ZFHX3: variants seen among roughly 807,000 people sequenced by gnomAD.
ZFHX3 encodes zinc finger homeobox 3.
In ZFHX3, 42 loss-of-function variants were observed where a neutral mutation model predicts 279.1. The observed-to-expected ratio is 0.15, with a 90% CI of 0.12 to 0.19. ZFHX3 has a LOEUF of 0.19. ZFHX3 is among the 10% of genes least tolerant of loss of function. ZFHX3 has a pLI of 1.00. For synonymous variants in ZFHX3, 2,293 were observed against 1,957.8 expected, an observed-to-expected ratio of 1.17 and a Z score of -4.52; for missense variants, 4,981 against 4,754.0, an observed-to-expected ratio of 1.05 and a Z score of -1.40.
At chr16:73,172,397 C>T (rs902296647) in intron 5 of ZFHX3, among the ~76,000 whole-genome samples, 1 of 152,212 alleles carries the variant, frequency 6.6e-6, no homozygotes, top group African/African-American at 2.4e-5. Flanking sequence ...CCAGGCCGAA[C>T]TTTCCCATGC....
Position 72,787,493 on chromosome 16 carries a change from C to T in ZFHX3, c.10783G>A (p.Asp3595Asn). 2 of 1,613,206 alleles carry T rather than the reference C, an allele frequency of 1.2e-6. No homozygotes were observed. The highest frequency in any genetic ancestry group is 1.7e-6 in the Non-Finnish European group (2 of 1,179,598). ...STSQSAAHSN[D>N]SPPPPSAAAP... ...GCGGCCGACGGGGGAGGGGGGCTGT[C>T]GTTTGAGTGAGCGGCAGACTGCGAG... Residue 3595 changes from aspartate to asparagine, a missense_variant, in exon 10 of 10, where the codon GAC becomes AAC. Physicochemically the swap from Asp to Asn is conservative, Grantham distance 23. Transcript: ENST00000268489.
At chr16:73,530,894 C>T (rs1347434541) in intron 2 of ZFHX3, among the ~76,000 whole-genome samples, 1 of 152,178 alleles carries the variant, frequency 6.6e-6, no homozygotes, top group African/African-American at 2.4e-5. Flanking sequence ...TTGAATTCTG[C>T]CCCTTGGTTA....
intron 3 of ZFHX3, among the ~76,000 whole-genome samples, chr16:73,394,212 G>A (rs939888759): frequency 3.4e-5 from 5 of 147,626 alleles, no homozygotes; most frequent in African/African-American, 5.0e-5. Flanking sequence ...GGTTAAGAGC[G>A]TTTCCAGAAG....
At chr16:73,579,854 T>TTTTATATATATATA (rs1322886523) in intron 2 of ZFHX3, among the ~76,000 whole-genome samples, 4 of 140,974 alleles carry the variant, frequency 2.8e-5, no homozygotes, top group African/African-American at 1.1e-4. Flanking sequence ...ATTATACAGA[T>TTTTATATATATATA]TATATATATA....
chr16:73,862,605 T>C (rs1352883714), intron 1 of ZFHX3, among the ~76,000 whole-genome samples: 1 of 151,624 alleles, frequency 6.6e-6, no homozygotes, highest in Non-Finnish European at 1.5e-5. Flanking sequence ...TAAGACCCCA[T>C]CTCCACAAAA....
intron 2 of ZFHX3, among the ~76,000 whole-genome samples, chr16:73,537,313 T>A: frequency 8.4e-6 from 1 of 119,554 alleles, no homozygotes; most frequent in Non-Finnish European, 1.7e-5. Context: ...TCTTTCTTCT[T>A]CTTTTTTTTT....
intron 1 of ZFHX3, among the ~76,000 whole-genome samples, chr16:73,729,470 A>G (rs929322902): frequency 6.6e-6 from 1 of 152,034 alleles, no homozygotes; most frequent in Non-Finnish European, 1.5e-5. Flanking sequence ...CAGAGGCTGT[A>G]GTGAGCCGAG....
In ZFHX3 at chr16:73,231,991, T is replaced by C. The variant is rs565715343; in HGVS notation, c.-1104+25056A>G. On this transcript the variant is annotated intron_variant, in intron 5 of 17. Transcript: ENST00000641206. ...ATGCAAATTGCAAAGTAGCGTGTGA[T>C]AATGAAAACAAAACAGTGCTGGCCC... 5 of 152,312 alleles carry C rather than the reference T, an allele frequency of 3.3e-5. No individual in the cohort carries two copies. The South Asian group carries it at 1.0e-3, about 32-fold the overall frequency. The allele number at this position is 152,312 out of a possible 1,614,324, so 9.4% of individuals were successfully genotyped here. A position where few individuals can be genotyped will look rare whatever the true frequency, so the allele number is the denominator to read the frequency against.
At chr16:73,128,618 A>C (rs1371634123) in intron 7 of ZFHX3, among the ~76,000 whole-genome samples, 3 of 152,200 alleles carry the variant, frequency 2.0e-5, no homozygotes, top group Admixed American at 6.5e-5. Context: ...TGACTGACCC[A>C]TACTCAAGCA....
chr16:73,207,642 C>G (rs1458017325), intron 5 of ZFHX3, among the ~76,000 whole-genome samples: 1 of 151,994 alleles, frequency 6.6e-6, no homozygotes, highest in Non-Finnish European at 1.5e-5. Flanking sequence ...CAGTGGCCAG[C>G]AAATAATATT....
At position 72,795,434 on chromosome 16, in the gene ZFHX3, C is replaced by G. The variant is rs1339739048; in HGVS notation, c.7248G>C (p.Leu2416=). The change falls in exon 9 of 10, where the codon CTG becomes CTC. Residue 2416 remains leucine, a synonymous_variant. Transcript: ENST00000268489. The part of the protein sequence containing the change: ...FLQLTAEAEE[L]ATFNSKTEAG... ...CCTCTGTTTTTGAATTGAAGGTGGC[C>G]AGTTCCTCAGCCTCCGCTGTAAGCT... 20 of 1,614,088 alleles carry G rather than the reference C, an allele frequency of 1.2e-5. No homozygotes were observed. Among genetic ancestry groups the G allele is most frequent in the Non-Finnish European group, 1.7e-5 (20 of 1,180,032 alleles).
intron 2 of ZFHX3, among the ~76,000 whole-genome samples, chr16:73,564,910 T>C (rs541254234): frequency 1.3e-5 from 2 of 152,300 alleles, no homozygotes; most frequent in South Asian, 2.1e-4. Flanking sequence ...CAAACTGGAA[T>C]AGATGGGTTT....
rs1274856062 is a variant in ZFHX3, at chr16:72,786,960, G to T, written c.*204C>A. 847 of 262,760 alleles carry T rather than the reference G, an allele frequency of 3.2e-3. No homozygotes were observed. The highest frequency in any genetic ancestry group is 8.4e-3 in the Middle Eastern group (7 of 830). 16.3% of individuals were successfully genotyped at this position (262,760 alleles called of 1,614,324 possible). A position where few individuals can be genotyped will look rare whatever the true frequency, so the allele number is the denominator to read the frequency against. The stretch of plus-strand genomic sequence containing the variant: ...TTTTTTTTTTTTTTTAATATTAAAA[G>T]AAAAGAAAAAGACAAGAATGTAAAA... On this transcript the variant is annotated 3_prime_UTR_variant, in exon 10 of 10. Transcript: ENST00000268489.
At chr16:73,891,848 A>T (rs969231415) in exon 1 of ZFHX3, 2 of 151,978 alleles carry the variant, frequency 1.3e-5, no homozygotes, top group African/African-American at 4.8e-5. Context: ...TTAAGCTAGC[A>T]GTCAAGGAAG....
chr16:73,737,099 T>A (rs946729478), intron 1 of ZFHX3, among the ~76,000 whole-genome samples: 1 of 152,108 alleles, frequency 6.6e-6, no homozygotes, highest in African/African-American at 2.4e-5. Flanking sequence ...AGGGGCAGCA[T>A]CACAGTACAT....
chr16:73,480,497 T>TG, intron 2 of ZFHX3, among the ~76,000 whole-genome samples: 1 of 152,198 alleles, frequency 6.6e-6, no homozygotes, highest in Non-Finnish European at 1.5e-5. Flanking sequence ...GAAAAGTTCC[T>TG]GGGTGGTAAG....
rs115330336 is a variant in ZFHX3 at position 73,193,598 on chromosome 16, G to C, written c.-1103-49767C>G. Reference sequence around the variant, plus strand: ...TCTGACTCACTTTGTAGGGTTCACAGTTCCTTAGACCCTCAGTTCTGGTTT... The same window carrying C: ...TCTGACTCACTTTGTAGGGTTCACACTTCCTTAGACCCTCAGTTCTGGTTT... On this transcript the variant is annotated intron_variant, in intron 5 of 17. Coordinates refer to the ZFHX3 transcript ENST00000641206. 5.4e-3 allele frequency among the ~76,000 whole-genome samples: 827 copies of C among 152,294 alleles called. 8 individuals carry two copies. Among genetic ancestry groups the C allele is most frequent in the African/African-American group, 0.019 (777 of 41,542 alleles).
chr16:72,974,678 T>C (rs1209022188), intron 1 of ZFHX3, among the ~76,000 whole-genome samples: 2 of 151,876 alleles, frequency 1.3e-5, no homozygotes, highest in African/African-American at 4.8e-5. Context: ...TTTCAAGCAG[T>C]GGGAAGCCAA....
chr16:73,611,568 G>A (rs528406440), intron 2 of ZFHX3, among the ~76,000 whole-genome samples: 44 of 152,212 alleles, frequency 2.9e-4, no homozygotes, highest in Non-Finnish European at 5.6e-4. Context: ...GAAGCATAAG[G>A]TGATAGTTAA....
Sources: allele counts gnomAD v4.1 joint callset (sites outside exome capture counted in the v4.1 genomes callset), GRCh38; gene constraint gnomAD v4.1.1; transcripts MANE v1.5; gene names NCBI Gene and HGNC (gene_info 2026-07-23, HGNC 2026-07-21).